The following TNFRSF4 variants were observed in gnomAD, a reference collection of about 807,000 sequenced individuals.
TNFRSF4 encodes the protein TNF receptor superfamily member 4.
A neutral mutation model predicts 29.5 loss-of-function variants in TNFRSF4; 21 were observed. That is an observed-to-expected ratio of 0.71 (90% CI 0.51 to 1.03). The LOEUF is 1.03. Ranked by LOEUF, TNFRSF4 falls within the 50% of genes least tolerant of loss-of-function variation. TNFRSF4 has a pLI of 0.00. For missense variants in TNFRSF4, 408 were observed against 387.8 expected (o/e 1.05, Z -0.44); for synonymous variants, 197 against 172.7 (o/e 1.14, Z -1.10).
rs1293014011 is a variant in TNFRSF4, at chr1:1,211,381, AG to A, written c.*173del. 1.9e-6 allele frequency: 1 copy of A among 535,482 alleles called. No individual in the cohort carries two copies. The highest frequency in any genetic ancestry group is 3.9e-5 in the Admixed American group (1 of 25,940). The allele number at this position is 535,482 out of a possible 1,614,324, so 33.2% of individuals were successfully genotyped here. A position where few individuals can be genotyped will look rare whatever the true frequency, so the allele number is the denominator to read the frequency against. On this transcript the variant is annotated 3_prime_UTR_variant, in exon 7 of 7. Transcript: ENST00000379236. The stretch of plus-strand genomic sequence containing the variant: ...TTTTATTGTGGTCCCGCGGGGCAGG[AG>A]GTATGCATGGCATACGTAAGCAGAG...
chr1:1,212,967 C>A, intron 3 of TNFRSF4, 25 bp downstream of exon 3: 1 of 1,593,934 alleles, frequency 6.3e-7, no homozygotes, highest in South Asian at 1.1e-5. Flanking sequence ...CACCCCCAAC[C>A]GCCGGCCGCA....
Position 1,211,409 on chromosome 1 carries a change from G to A in TNFRSF4, c.*146C>T. On this transcript the variant is annotated 3_prime_UTR_variant, in exon 7 of 7. Coordinates refer to ENST00000379236, the MANE Select transcript of TNFRSF4 (RefSeq NM_003327.4). ...TATGCATGGCATACGTAAGCAGAGAGCCGGAGGCAGCCATCGGCACCTAGA... is the reference window on the plus strand; with the variant it reads ...TATGCATGGCATACGTAAGCAGAGAACCGGAGGCAGCCATCGGCACCTAGA... 1 of 728,334 alleles carries A rather than the reference G, an allele frequency of 1.4e-6. No individual in the cohort carries two copies. Among genetic ancestry groups the A allele is most frequent in the South Asian group, 2.9e-5 (1 of 34,736 alleles). The allele number at this position is 728,334 out of a possible 1,614,324, so 45.1% of individuals were successfully genotyped here. A position where few individuals can be genotyped will look rare whatever the true frequency, so the allele number is the denominator to read the frequency against.
At position 1,213,716 on chromosome 1, in the gene TNFRSF4, T is replaced by C; in HGVS notation, c.215A>G (p.Tyr72Cys). ...CGGCTTGGAGCTGACCACGTCGTTG[T>C]AGAAGCCCGGCCCGCACGGACGGCA... ...TVCRPCGPGFYNDVVSSKPCK... is the reference protein window; with the variant it reads ...TVCRPCGPGFCNDVVSSKPCK... The change falls in exon 2 of 7, where the codon TAC (tyrosine) becomes TGC (cysteine). Residue 72 changes from tyrosine (Y) to cysteine (C), a missense_variant. Transcript: ENST00000379236. 6.3e-7 allele frequency: 1 copy of C among 1,600,000 alleles called. No individual in the cohort carries two copies. Among genetic ancestry groups the C allele is most frequent in the Non-Finnish European group, 8.5e-7 (1 of 1,174,544 alleles).
In TNFRSF4 at chr1:1,211,360, A is replaced by G. The variant is rs1168618250; in HGVS notation, c.*195T>C. On this transcript the variant is annotated 3_prime_UTR_variant, in exon 7 of 7. Transcript: ENST00000379236. ...GAGACTCCCGTCTGCCAAGGTTTTT[A>G]TTGTGGTCCCGCGGGGCAGGAGGTA... 8.3e-6 allele frequency: 4 copies of G among 481,780 alleles called. No individual in the cohort carries two copies. The highest frequency in any genetic ancestry group is 1.4e-5 in the Non-Finnish European group (4 of 284,236). The allele number at this position is 481,780 out of a possible 1,614,324, so 29.8% of individuals were successfully genotyped here. A position where few individuals can be genotyped will look rare whatever the true frequency, so the allele number is the denominator to read the frequency against.
chr1:1,212,985 A>C lies in TNFRSF4; in HGVS notation c.370+7T>G, dbSNP rs1343400004. 6.2e-7 allele frequency: 1 copy of C among 1,607,948 alleles called. No homozygotes were observed. The highest frequency in any genetic ancestry group is 1.1e-5 in the South Asian group (1 of 90,510). ...CCCCAACCGCCGGCCGCAGCCACCGAGCTCACCAACTCCAGGCTTGTAGCT... is the reference window on the plus strand; with the variant it reads ...CCCCAACCGCCGGCCGCAGCCACCGCGCTCACCAACTCCAGGCTTGTAGCT... On this transcript the variant is annotated splice_region_variant and intron_variant, in intron 3 of 6. Transcript: ENST00000379236.
Position 1,211,722 on chromosome 1 carries a change from C to CG in TNFRSF4, c.744dup (p.Asp249ArgfsTer72). 1.9e-6 allele frequency: 3 copies of CG among 1,585,170 alleles called. No individual in the cohort carries two copies. Among genetic ancestry groups the CG allele is most frequent in the Non-Finnish European group, 8.6e-7 (1 of 1,166,972 alleles). On this transcript the variant is annotated frameshift_variant, in exon 6 of 7. Transcript: ENST00000379236. LOFTEE classifies it high-confidence loss of function. The stretch of plus-strand genomic sequence containing the variant: ...CACTCACCAGGGGGCTTGTGGGCAT[C>CG]GGGGGGCAGCCTCTGGTCCCTCCGG...
At position 1,212,026 on chromosome 1, in the gene TNFRSF4, C is replaced by A. The variant is rs1447828899; in HGVS notation, c.550G>T (p.Ala184Ser). The stretch of plus-strand genomic sequence containing the variant: ...GTGGGCTGGACAGTGATGGGCCTGG[C>A]CGGGGGGCCCTGGGTCTCCTGGGGC... The part of the protein sequence containing the change: ...TQPQETQGPP[A>S]RPITVQPTEA... Residue 184 changes from alanine (A) to serine (S), a missense_variant, in exon 5 of 7, where the codon GCC (alanine) becomes TCC (serine). Physicochemically the swap from Ala to Ser is moderately conservative, Grantham distance 99. Transcript: ENST00000379236. The A allele has an allele frequency of 1.2e-6, 2 of 1,610,610 alleles. No individual in the cohort carries two copies. Among genetic ancestry groups the A allele is most frequent in the South Asian group, 2.2e-5 (2 of 90,752 alleles).
intron 4 of TNFRSF4, among the ~76,000 whole-genome samples, 169 bp from the exon 5 acceptor site, chr1:1,212,307 C>T (rs1178997346): frequency 1.3e-5 from 2 of 152,054 alleles, no homozygotes; most frequent in South Asian, 4.2e-4. Context: ...CCACAGGGGC[C>T]TCCAAGGCCA....
chr1:1,213,790 A>C lies in TNFRSF4; in HGVS notation c.146-5T>G. 1 of 1,594,226 alleles carries C rather than the reference A, an allele frequency of 6.3e-7. No homozygotes were observed. The highest frequency in any genetic ancestry group is 8.5e-7 in the Non-Finnish European group (1 of 1,172,602). On this transcript the variant is annotated splice_polypyrimidine_tract_variant and splice_region_variant and intron_variant, in intron 1 of 6. Transcript: ENST00000379236. ...AGCGGCTCACCATCCCGTTGCCTGC[A>C]GCAGAGGCCGGCGTCAGGCAGCGGT...
intron 2 of TNFRSF4, chr1:1,213,418 C>T (rs1275323161): frequency 6.5e-7 from 1 of 1,532,964 alleles, no homozygotes; most frequent in African/African-American, 1.4e-5. Flanking sequence ...AAGGCCAGGC[C>T]ACATGGCCAG....
At chr1:1,213,835 C>A in intron 1 of TNFRSF4, 50 bp from the exon 2 acceptor site, 2 of 1,541,044 alleles carry the variant, frequency 1.3e-6, no homozygotes, top group South Asian at 1.2e-5. Context: ...GGCTTGCGCC[C>A]GTGGACCCCC....
At chr1:1,213,533 G>A (rs1237064772) in intron 2 of TNFRSF4, 130 bp downstream of exon 2, 4 of 1,467,776 alleles carry the variant, frequency 2.7e-6, no homozygotes, top group East Asian at 2.5e-5. Context: ...CCCTGTGGCG[G>A]AGCAGACCCC....
Position 1,211,445 on chromosome 1 carries a change from G to C in TNFRSF4, c.*110C>G. ...CCATCGGCACCTAGAACGGTGCAGA[G>C]TTGGCCCAGGAGCGTGGCGGGGCAG... On this transcript the variant is annotated 3_prime_UTR_variant, in exon 7 of 7. Coordinates refer to ENST00000379236, the MANE Select transcript of TNFRSF4 (RefSeq NM_003327.4). The C allele has an allele frequency of 8.6e-7, 1 of 1,156,570 alleles. No individual in the cohort carries two copies. Among genetic ancestry groups the C allele is most frequent in the Non-Finnish European group, 1.2e-6 (1 of 850,238 alleles). 71.6% of individuals were successfully genotyped at this position (1,156,570 alleles called of 1,614,324 possible).
intron 2 of TNFRSF4, chr1:1,213,344 C>A: frequency 2.0e-6 from 3 of 1,530,002 alleles, no homozygotes; most frequent in Non-Finnish European, 2.6e-6. Context: ...CGCCTCCAGC[C>A]GCCAGCCCCG....
chr1:1,212,127 G>A lies in TNFRSF4; in HGVS notation c.449C>T (p.Ala150Val). The A allele has an allele frequency of 6.2e-7, 1 of 1,612,558 alleles. No homozygotes were observed. ...ACKPWTNCTL[A>V]GKHTLQPASN... ...GGCCGGCTGCAGGGTGTGCTTCCCAGCCAAGGTGCAGCTGTTGGGGAACAG... is the reference window on the plus strand; with the variant it reads ...GGCCGGCTGCAGGGTGTGCTTCCCAACCAAGGTGCAGCTGTTGGGGAACAG... Residue 150 changes from alanine to valine, a missense_variant, in exon 5 of 7, where the codon GCT (alanine) becomes GTT (valine). Transcript: ENST00000379236.
chr1:1,213,544 G>A (rs758725417), intron 2 of TNFRSF4, 119 bp downstream of exon 2: 118 of 1,471,094 alleles, frequency 8.0e-5, no homozygotes, highest in Non-Finnish European at 9.9e-5. Flanking sequence ...AGCAGACCCC[G>A]CTGTGGTTTG....
In TNFRSF4 at chr1:1,211,510, G is replaced by T. The variant is rs752672328; in HGVS notation, c.*45C>A. 3.8e-5 allele frequency: 56 copies of T among 1,473,938 alleles called. No homozygotes were observed. The East Asian group carries it at 4.8e-4, about 13-fold the overall frequency. 91.3% of individuals were successfully genotyped at this position (1,473,938 alleles called of 1,614,324 possible). ...CCCTGCTCGCCCAGCAGACCCTCCG[G>T]GCTCCAGCCTGGCGGGGCCCAGCGT... On this transcript the variant is annotated 3_prime_UTR_variant, in exon 7 of 7. Coordinates refer to ENST00000379236, the MANE Select transcript of TNFRSF4 (RefSeq NM_003327.4).
At chr1:1,213,443 C>T (rs1419615740) in intron 2 of TNFRSF4, 4 of 1,525,342 alleles carry the variant, frequency 2.6e-6, no homozygotes, top group South Asian at 1.2e-5. Flanking sequence ...GTCTCCCCGA[C>T]TCCACGTGGC....
At chr1:1,212,378 C>A (rs1196719586) in intron 4 of TNFRSF4, among the ~76,000 whole-genome samples, 1 of 151,988 alleles carries the variant, frequency 6.6e-6, no homozygotes, top group Non-Finnish European at 1.5e-5. Flanking sequence ...GCCCCCAGGG[C>A]CTCCCAGCTG....
Sources: allele counts gnomAD v4.1 joint callset (sites outside exome capture counted in the v4.1 genomes callset), GRCh38; gene constraint gnomAD v4.1.1; transcripts MANE v1.5; gene names NCBI Gene and HGNC (gene_info 2026-07-23, HGNC 2026-07-21).